Variants in WDFY1 observed in about 807,000 individuals in gnomAD.
WDFY1 encodes WD repeat and FYVE domain containing 1.
Under a neutral mutation model 56.4 loss-of-function variants are expected in WDFY1, and 32 were observed. The ratio of observed to expected loss-of-function variants is 0.57; its 90% confidence interval spans 0.43 to 0.76. The LOEUF is 0.76. WDFY1 is among the 30% of genes least tolerant of loss of function. The probability of loss-of-function intolerance (pLI) is 0.00; values close to 1 mark genes in which losing one functional copy is unlikely to be tolerated. For missense variants in WDFY1, 480 were observed against 545.7 expected, an observed-to-expected ratio of 0.88 and a Z score of 1.20; for synonymous variants, 192 against 197.3, an observed-to-expected ratio of 0.97 and a Z score of 0.23.
At position 223,894,436 on chromosome 2, in the gene WDFY1, CA is replaced by C. The variant is rs1693327595; in HGVS notation, c.726-98del. 3.2e-6 allele frequency: 4 copies of C among 1,237,208 alleles called. No individual in the cohort carries two copies. In the Admixed American group the frequency reaches 7.8e-5, roughly 24 times the overall value. The allele number at this position is 1,237,208 out of a possible 1,614,324, so 76.6% of individuals were successfully genotyped here. A position where few individuals can be genotyped will look rare whatever the true frequency, so the allele number is the denominator to read the frequency against. Reference sequence around the variant, plus strand: ...AAATTGCTCTCCTCATTAAAATCAGCAAGTGGTATTTTACCACTGACTATTT... The same window carrying C: ...AAATTGCTCTCCTCATTAAAATCAGCAGTGGTATTTTACCACTGACTATTT... On this transcript the variant is annotated intron_variant, in intron 7 of 11. Transcript: ENST00000233055.
At chr2:223,921,478 A>G (rs1046593709) in intron 1 of WDFY1, among the ~76,000 whole-genome samples, 2 of 152,264 alleles carry the variant, frequency 1.3e-5, no homozygotes, top group Non-Finnish European at 2.9e-5. Context: ...ATAGAGAGGA[A>G]GAACAAACCT....
intron 4 of WDFY1, among the ~76,000 whole-genome samples, chr2:223,901,588 T>C (rs151094703): frequency 1.3e-3 from 204 of 151,778 alleles, no homozygotes; most frequent in African/African-American, 4.8e-3. Flanking sequence ...CATTAAAGAG[T>C]AACGCTCAAG....
intron 8 of WDFY1, among the ~76,000 whole-genome samples, chr2:223,892,814 G>A (rs1693301255): frequency 6.6e-6 from 1 of 152,212 alleles, no homozygotes; most frequent in African/African-American, 2.4e-5. Flanking sequence ...GTGATGTCAT[G>A]CAACACAGTA....
intron 11 of WDFY1, 65 bp from the exon 12 acceptor site, chr2:223,878,795 C>T: frequency 1.3e-6 from 2 of 1,571,770 alleles, no homozygotes; most frequent in Admixed American, 3.5e-5. Flanking sequence ...CAAGAGTCAA[C>T]ACAGACAAAC....
chr2:223,919,231 G>A (rs1481660531), intron 1 of WDFY1, among the ~76,000 whole-genome samples: 3 of 152,242 alleles, frequency 2.0e-5, no homozygotes, highest in East Asian at 3.9e-4. Context: ...TTATTTATGG[G>A]ACAGTGTCTC....
chr2:223,917,855 AG>A (rs1693815133), intron 2 of WDFY1, 87 bp downstream of exon 2: 1 of 1,503,474 alleles, frequency 6.7e-7, no homozygotes, highest in Non-Finnish European at 9.2e-7. Context: ...TACAGGTGTG[AG>A]CCACCATGCT....
intron 1 of WDFY1, among the ~76,000 whole-genome samples, chr2:223,944,833 G>T (rs1689378858): frequency 7.3e-6 from 1 of 136,086 alleles, no homozygotes; most frequent in African/African-American, 2.8e-5. Flanking sequence ...GGAAAGACAC[G>T]TTGGAACAAG....
chr2:223,927,995 C>A (rs1047291354), intron 1 of WDFY1, among the ~76,000 whole-genome samples: 7 of 151,888 alleles, frequency 4.6e-5, no homozygotes, highest in African/African-American at 1.7e-4. Context: ...AGGGTAACAG[C>A]CCGTTGATGG....
intron 7 of WDFY1, 116 bp from the exon 8 acceptor site, chr2:223,894,455 G>T: frequency 2.1e-6 from 2 of 938,040 alleles, no homozygotes; most frequent in Non-Finnish European, 3.4e-6. Context: ...TTTTACCACT[G>T]ACTATTTAGC....
At chr2:223,943,592 T>G (rs1325313461) in intron 1 of WDFY1, among the ~76,000 whole-genome samples, 1 of 152,218 alleles carries the variant, frequency 6.6e-6, no homozygotes, top group African/African-American at 2.4e-5. Context: ...CTTTTGGACT[T>G]GTGGACTATC....
At chr2:223,940,621 A>G (rs900033371) in intron 1 of WDFY1, among the ~76,000 whole-genome samples, 2 of 151,702 alleles carry the variant, frequency 1.3e-5, no homozygotes, top group Non-Finnish European at 2.9e-5. Flanking sequence ...CCTGCAAAAT[A>G]AGGTCCAAAT....
At chr2:223,885,192 G>GT (rs915501922) in intron 8 of WDFY1, among the ~76,000 whole-genome samples, 17 of 148,068 alleles carry the variant, frequency 1.1e-4, no homozygotes, top group African/African-American at 3.4e-4. Context: ...AATTGTGTGT[G>GT]GGGGGGGGTC....
chr2:223,940,660 G>T (rs76427594), intron 1 of WDFY1, among the ~76,000 whole-genome samples: 2,260 of 99,202 alleles, frequency 0.023, 51 homozygotes, highest in African/African-American at 0.068. Context: ...TTTTTTTTTT[G>T]AGACAAAGTT....
Position 223,875,818 on chromosome 2 carries a change from C to T in WDFY1, c.*2853G>A, listed in dbSNP as rs899437180. ...CTTTAGGAGATACCATATCCAATAA[C>T]GGAAGTAGAAGTACTTTAACGAAAA... On this transcript the variant is annotated 3_prime_UTR_variant, in exon 12 of 12. Coordinates refer to ENST00000233055, the MANE Select transcript of WDFY1 (RefSeq NM_020830.5). The T allele has an allele frequency of 3.9e-5, 6 of 152,008 alleles. No homozygotes were observed. Among genetic ancestry groups the T allele is most frequent in the African/African-American group, 9.7e-5 (4 of 41,372 alleles). 9.4% of individuals were successfully genotyped at this position (152,008 alleles called of 1,614,324 possible).
In WDFY1 at chr2:223,884,685, T is replaced by C. The variant is rs779398531; in HGVS notation, c.896A>G (p.Lys299Arg). 1.2e-6 allele frequency: 2 copies of C among 1,614,158 alleles called. No individual in the cohort carries two copies. Among genetic ancestry groups the C allele is most frequent in the South Asian group, 2.2e-5 (2 of 91,082 alleles). Residue 299 changes from lysine (K) to arginine (R), a missense_variant, in exon 9 of 12, where the codon AAG becomes AGG. Physicochemically the swap from Lys to Arg is conservative, Grantham distance 26. Coordinates refer to ENST00000233055, the MANE Select transcript of WDFY1 (RefSeq NM_020830.5). ...KCEQPFFWNI[K>R]QMWDTKTLGL... Reference sequence around the variant, plus strand: ...CAGCGTCTTGGTGTCCCACATCTGCTTTATGTTCCAGAAAAATGGCTGCTC... The same window carrying C: ...CAGCGTCTTGGTGTCCCACATCTGCCTTATGTTCCAGAAAAATGGCTGCTC...
chr2:223,916,654 T>C (rs377533962), intron 2 of WDFY1, among the ~76,000 whole-genome samples: 4 of 152,136 alleles, frequency 2.6e-5, no homozygotes, highest in Non-Finnish European at 4.4e-5. Context: ...CGGAGTTGAC[T>C]CCCCATTTGA....
At chr2:223,906,313 T>C (rs1296023356) in intron 3 of WDFY1, among the ~76,000 whole-genome samples, 1 of 152,146 alleles carries the variant, frequency 6.6e-6, no homozygotes, top group African/African-American at 2.4e-5. Flanking sequence ...TTTATTCTCT[T>C]AGTGACACAA....
chr2:223,945,306 GCCT>G lies in WDFY1; in HGVS notation c.-25_-23del. 1 of 1,555,714 alleles carries G rather than the reference GCCT, an allele frequency of 6.4e-7. No individual in the cohort carries two copies. Among genetic ancestry groups the G allele is most frequent in the Admixed American group, 1.8e-5 (1 of 54,690 alleles). The stretch of plus-strand genomic sequence containing the variant: ...CCATGTTCGCGCGGCGACTGCTGCG[GCCT>G]CCTCGGCAGGCAGCCCATCAGCTGA... On this transcript the variant is annotated 5_prime_UTR_variant, in exon 1 of 12. Transcript: ENST00000233055.
intron 1 of WDFY1, among the ~76,000 whole-genome samples, chr2:223,930,003 A>G (rs1258028135): frequency 6.6e-6 from 1 of 152,246 alleles, no homozygotes; most frequent in African/African-American, 2.4e-5. Flanking sequence ...TTCCTAAACA[A>G]TAAGGAAACA....
Sources: allele counts gnomAD v4.1 joint callset (sites outside exome capture counted in the v4.1 genomes callset), GRCh38; gene constraint gnomAD v4.1.1; transcripts MANE v1.5; gene names NCBI Gene and HGNC (gene_info 2026-07-23, HGNC 2026-07-21).